The following NDC1 variants were observed in gnomAD, a reference collection of about 807,000 sequenced individuals.
The protein encoded by NDC1 is NDC1 transmembrane nucleoporin, also known as nucleoporin NDC1.
In NDC1, 24 loss-of-function variants were observed where a neutral mutation model predicts 89.8. That is an observed-to-expected ratio of 0.27 (90% CI 0.19 to 0.38). The LOEUF (loss-of-function observed/expected upper bound fraction) is 0.38. Ranked by LOEUF, NDC1 falls within the 10% of genes least tolerant of loss-of-function variation. NDC1 has a pLI of 1.00. For synonymous variants in NDC1, 296 were observed against 284.8 expected (o/e 1.04, Z -0.39); for missense variants, 728 against 797.6 (o/e 0.91, Z 1.05).
chr1:53,790,387 C>A (rs114330379), intron 14 of NDC1, among the ~76,000 whole-genome samples: 2,637 of 144,662 alleles, frequency 0.018, 84 homozygotes, highest in African/African-American at 0.064. Context: ...CCCCAAAAAA[C>A]CAAAATAAAT....
chr1:53,786,056 G>A (rs1647295567), intron 16 of NDC1, among the ~76,000 whole-genome samples: 1 of 152,010 alleles, frequency 6.6e-6, no homozygotes, highest in Non-Finnish European at 1.5e-5. Context: ...TCCCGAGTAG[G>A]TGGGACTACA....
chr1:53,803,941 G>A lies in NDC1; in HGVS notation c.1053C>T (p.Ser351=). ...YSPSRRQEVF[S]LSQPGGHPHN... ...TTTTAGCAATACCTGGTTGGCTGAG[G>A]CTGAAAACTTCTTGTCTTCGTGAAG... The change falls in exon 10 of 18, where the codon AGC becomes AGT. Residue 351 remains serine (S), a synonymous_variant. Transcript: ENST00000371429. 6.2e-7 allele frequency: 1 copy of A among 1,613,088 alleles called. No homozygotes were observed. The highest frequency in any genetic ancestry group is 8.5e-7 in the Non-Finnish European group (1 of 1,179,090).
At position 53,825,814 on chromosome 1, in the gene NDC1, G is replaced by T; in HGVS notation, c.578C>A (p.Pro193Gln). The change falls in exon 5 of 18, where the codon CCA becomes CAA. Residue 193 changes from proline (P) to glutamine (Q), a missense_variant. Pro to Gln is a moderately conservative substitution (Grantham distance 76, BLOSUM62 -1). Coordinates refer to ENST00000371429, the MANE Select transcript of NDC1 (RefSeq NM_018087.5). ...TGATCTTACCTGTATGATGGGAAAT[G>T]GAAGATAGTTCATGTTGTTAACAAA... ...LYFVNNMNYL[P>Q]FPIIQQYKFL... 1 of 1,591,494 alleles carries T rather than the reference G, an allele frequency of 6.3e-7. No homozygotes were observed. The highest frequency in any genetic ancestry group is 1.2e-5 in the South Asian group (1 of 84,708).
chr1:53,800,600 C>T, intron 11 of NDC1, 93 bp downstream of exon 11: 2 of 1,404,908 alleles, frequency 1.4e-6, no homozygotes, highest in Non-Finnish European at 2.0e-6. Flanking sequence ...GCGGGGATAA[C>T]AGGCGTGAGC....
chr1:53,830,189 C>G lies in NDC1; in HGVS notation c.281-2016G>C, dbSNP rs1008999311. Among the ~76,000 whole-genome samples, 4 of 151,684 alleles carry G rather than the reference C, an allele frequency of 2.6e-5. 1 individual carries two copies. The highest frequency in any genetic ancestry group is 5.9e-5 in the Non-Finnish European group (4 of 67,938). The stretch of plus-strand genomic sequence containing the variant: ...GAAAGCGAGGCTGGGCCCAGTGGCT[C>G]ACACCTGTAATCACAGCACTTTGGG... On this transcript the variant is annotated intron_variant, in intron 3 of 17. Coordinates refer to ENST00000371429, the MANE Select transcript of NDC1 (RefSeq NM_018087.5).
chr1:53,770,440 G>C (rs138159721), intron 17 of NDC1, among the ~76,000 whole-genome samples: 1 of 151,900 alleles, frequency 6.6e-6, no homozygotes, highest in African/African-American at 2.4e-5. Flanking sequence ...TGGAGTAGCT[G>C]GGATTATAGT....
At chr1:53,806,998 G>A (rs1648129396) in intron 8 of NDC1, among the ~76,000 whole-genome samples, 2 of 151,972 alleles carry the variant, frequency 1.3e-5, no homozygotes, top group African/African-American at 4.8e-5. Context: ...TGTAATCCCA[G>A]CACTTTAAGA....
intron 2 of NDC1, among the ~76,000 whole-genome samples, chr1:53,834,248 T>C (rs1376844127): frequency 1.3e-5 from 2 of 152,256 alleles, no homozygotes; most frequent in East Asian, 1.9e-4. Flanking sequence ...CCAGTGCCAA[T>C]TGTGAACAAT....
intron 15 of NDC1, among the ~76,000 whole-genome samples, chr1:53,787,660 AATAG>A (rs1205404579): frequency 6.2e-5 from 9 of 145,800 alleles, no homozygotes; most frequent in Non-Finnish European, 9.0e-5. Context: ...AAAATAAATA[AATAG>A]ATAAATAAAT....
At position 53,807,746 on chromosome 1, in the gene NDC1, G is replaced by A. The variant is rs201588357; in HGVS notation, c.801C>T (p.Leu267=). 62 of 1,613,836 alleles carry A rather than the reference G, an allele frequency of 3.8e-5. No homozygotes were observed. The East Asian group carries it at 8.0e-4, about 21-fold the overall frequency. ...ACAGCCAGACATGGTAGAGTAACGA[G>A]AGATTTAAGAGGCCACTCACTGTGT... ...PLDTVSGLLN[L]SLLYHVWLCG... Residue 267 remains leucine, a synonymous_variant, in exon 8 of 18, where the codon CTC becomes CTT. Transcript: ENST00000371429.
At chr1:53,811,252 A>C (rs997088537) in intron 6 of NDC1, among the ~76,000 whole-genome samples, 4 of 152,224 alleles carry the variant, frequency 2.6e-5, no homozygotes, top group Non-Finnish European at 5.9e-5. Flanking sequence ...GTAACAATTT[A>C]AATGGGGCAA....
At chr1:53,802,598 G>A (rs77130341) in intron 10 of NDC1, among the ~76,000 whole-genome samples, 3,579 of 152,278 alleles carry the variant, frequency 0.024, 162 homozygotes, top group African/African-American at 0.082. Context: ...AGGATCATAT[G>A]AGCCCAGCAG....
At chr1:53,786,007 C>T (rs1404629967) in intron 16 of NDC1, among the ~76,000 whole-genome samples, 1 of 152,120 alleles carries the variant, frequency 6.6e-6, no homozygotes, top group East Asian at 1.9e-4. Flanking sequence ...TCACCATAAC[C>T]TCTGCCTCCT....
intron 5 of NDC1, 86 bp downstream of exon 5, chr1:53,825,712 C>A (rs1239460932): frequency 9.3e-7 from 1 of 1,074,714 alleles, no homozygotes; most frequent in East Asian, 2.8e-5. Flanking sequence ...TTGAATGAAT[C>A]AGATAAATCC....
chr1:53,826,686 A>G (rs1020314415), intron 4 of NDC1, among the ~76,000 whole-genome samples: 6 of 152,180 alleles, frequency 3.9e-5, no homozygotes, highest in African/African-American at 1.4e-4. Flanking sequence ...GAGAATCTCT[A>G]TGATCTATGA....
intron 17 of NDC1, among the ~76,000 whole-genome samples, chr1:53,769,925 T>C (rs763744492): frequency 1.3e-5 from 2 of 152,216 alleles, no homozygotes; most frequent in Non-Finnish European, 2.9e-5. Flanking sequence ...ATCCTGGTTC[T>C]GCAACTCACT....
intron 14 of NDC1, among the ~76,000 whole-genome samples, chr1:53,793,025 G>A (rs1647574352): frequency 6.6e-6 from 1 of 152,256 alleles, no homozygotes; most frequent in African/African-American, 2.4e-5. Context: ...CAACTAGAGA[G>A]TCAAGCTTCA....
chr1:53,768,816 C>T (rs139718071), intron 17 of NDC1, among the ~76,000 whole-genome samples: 181 of 152,284 alleles, frequency 1.2e-3, no homozygotes, highest in Non-Finnish European at 1.8e-3. Flanking sequence ...TCCAATTGAA[C>T]CATTTCAAGT....
chr1:53,772,598 A>G, intron 16 of NDC1, 109 bp from the exon 17 acceptor site: 1 of 986,966 alleles, frequency 1.0e-6, no homozygotes, highest in Non-Finnish European at 1.5e-6. Flanking sequence ...ACGAGGCGGG[A>G]GGACTGCTTG....
Sources: gnomAD v4.1 joint callset for allele counts (sites outside exome capture counted in the v4.1 genomes callset) on GRCh38, gnomAD v4.1.1 for gene constraint, MANE v1.5 for transcripts, NCBI Gene and HGNC (gene_info 2026-07-23, HGNC 2026-07-21) for gene names.